Variants in IQGAP1 observed in about 807,000 individuals in gnomAD.
The protein encoded by IQGAP1 is IQ motif containing GTPase activating protein 1, also known as ras GTPase-activating-like protein IQGAP1.
IQGAP1 carries 66 observed loss-of-function variants against 215.6 expected under a neutral mutation model. The observed-to-expected ratio is 0.31, with a 90% confidence interval of 0.25 to 0.38. The LOEUF is 0.38. Ranked by LOEUF, IQGAP1 falls within the 10% of genes least tolerant of loss-of-function variation. IQGAP1 has a pLI of 1.00. For missense variants in IQGAP1, 1,712 were observed against 1,997.1 expected (o/e 0.86, Z 2.72); for synonymous variants, 772 against 728.7 (o/e 1.06, Z -0.96).
chr15:90,444,054 T>C (rs1347838935), intron 9 of IQGAP1, among the ~76,000 whole-genome samples: 1 of 149,260 alleles, frequency 6.7e-6, no homozygotes, highest in Non-Finnish European at 1.5e-5. Context: ...ACAGTGAGAC[T>C]CTGTCTCAAA....
At chr15:90,489,069 G>A (rs1278604688) in intron 33 of IQGAP1, among the ~76,000 whole-genome samples, 1 of 151,718 alleles carries the variant, frequency 6.6e-6, no homozygotes, top group African/African-American at 2.4e-5. Context: ...GCAGATGGTT[G>A]GGTCCTGGCA....
rs73476880 is a variant in IQGAP1 at position 90,421,883 on chromosome 15, A to G, written c.156-4227A>G. On this transcript the variant is annotated intron_variant, in intron 2 of 37. Transcript: ENST00000268182. ...ACCCTGTTGGCCAGGTTTTTCTCCA[A>G]TTCCTGACCTCAAGTGATCCACCCG... is the stretch of plus-strand genomic sequence containing the variant. Among the ~76,000 whole-genome samples the G allele has an allele frequency of 4.8e-3, 733 of 152,256 alleles. 9 individuals are homozygous for G. The highest frequency in any genetic ancestry group is 0.017 in the African/African-American group (719 of 41,534).
chr15:90,457,737 A>G (rs929572764), intron 15 of IQGAP1, among the ~76,000 whole-genome samples: 2 of 151,708 alleles, frequency 1.3e-5, no homozygotes, highest in Admixed American at 6.6e-5. Context: ...GCCACTGCCC[A>G]TGGCCTGTAA....
chr15:90,479,011 T>C (rs988788632), intron 26 of IQGAP1, among the ~76,000 whole-genome samples: 3 of 152,162 alleles, frequency 2.0e-5, no homozygotes, highest in African/African-American at 7.2e-5. Flanking sequence ...TCTGGTTTTA[T>C]TTGTCTTGGG....
At chr15:90,401,140 C>A (rs1964798722) in intron 2 of IQGAP1, among the ~76,000 whole-genome samples, 1 of 152,010 alleles carries the variant, frequency 6.6e-6, no homozygotes, top group South Asian at 2.1e-4. Context: ...GGGCCTGTGG[C>A]CTACCGGATC....
intron 9 of IQGAP1, among the ~76,000 whole-genome samples, chr15:90,447,850 ATGTAT>A (rs1213268895): frequency 6.6e-6 from 1 of 152,046 alleles, no homozygotes; most frequent in African/African-American, 2.4e-5. Context: ...TTTCATTGTC[ATGTAT>A]TGTATTATAG....
chr15:90,486,376 G>T (rs1009242023), intron 31 of IQGAP1: 2 of 316,146 alleles, frequency 6.3e-6, no homozygotes, highest in Non-Finnish European at 1.1e-5. Context: ...GATACATACT[G>T]CCAGCTTGTG....
chr15:90,410,203 T>C (rs1257050934), intron 2 of IQGAP1, among the ~76,000 whole-genome samples: 2 of 152,228 alleles, frequency 1.3e-5, no homozygotes, highest in African/African-American at 2.4e-5. Context: ...TTTGGTGTTT[T>C]AGACATGAAG....
intron 23 of IQGAP1, among the ~76,000 whole-genome samples, chr15:90,475,450 A>T (rs1355758274): frequency 6.6e-6 from 1 of 152,026 alleles, no homozygotes; most frequent in East Asian, 1.9e-4. Flanking sequence ...ATAAGCTTTT[A>T]AAAAAGTTAT....
chr15:90,427,895 C>T (rs1965247574), intron 3 of IQGAP1, among the ~76,000 whole-genome samples: 1 of 152,110 alleles, frequency 6.6e-6, no homozygotes, highest in Non-Finnish European at 1.5e-5. Flanking sequence ...TAACTGGGCC[C>T]AAACTCAGAA....
chr15:90,447,496 A>G (rs1314229422), intron 9 of IQGAP1, among the ~76,000 whole-genome samples: 2 of 152,118 alleles, frequency 1.3e-5, no homozygotes, highest in African/African-American at 4.8e-5. Flanking sequence ...GATAAGTACT[A>G]TTATGCCCCA....
intron 6 of IQGAP1, among the ~76,000 whole-genome samples, chr15:90,440,060 A>C (rs896984053): frequency 2.0e-5 from 3 of 151,514 alleles, no homozygotes; most frequent in African/African-American, 7.2e-5. Context: ...ACCTGGGGAA[A>C]GGACCAGACC....
rs1966346089 is a variant in IQGAP1, at chr15:90,501,879, C to T, written c.*1771C>T. 1 of 152,138 alleles carries T rather than the reference C, an allele frequency of 6.6e-6. No homozygotes were observed. Among genetic ancestry groups the T allele is most frequent in the South Asian group, 2.1e-4 (1 of 4,832 alleles). 9.4% of individuals were successfully genotyped at this position (152,138 alleles called of 1,614,324 possible). ...CAATAATGAGCAGAGTTTACAGCTC[C>T]TTTAATAAAATGTGTCAGTAATTTT... On this transcript the variant is annotated 3_prime_UTR_variant, in exon 38 of 38. Transcript: ENST00000268182.
intron 12 of IQGAP1, 32 bp from the exon 13 acceptor site, chr15:90,453,100 C>T (rs1225174165): frequency 1.3e-6 from 2 of 1,578,754 alleles, no homozygotes; most frequent in Middle Eastern, 3.4e-4. Context: ...TGTCTTTCCT[C>T]ACTGTTTTCC....
At chr15:90,453,882 A>G (rs980491624) in intron 13 of IQGAP1, among the ~76,000 whole-genome samples, 14 of 152,224 alleles carry the variant, frequency 9.2e-5, no homozygotes, top group African/African-American at 3.1e-4. Flanking sequence ...ATCAATAGGC[A>G]TATAAAACCC....
chr15:90,481,269 C>CTTTTTTTTTTTTTTTT (rs57452745), intron 26 of IQGAP1, among the ~76,000 whole-genome samples: 68 of 113,170 alleles, frequency 6.0e-4, no homozygotes, highest in African/African-American at 2.2e-3. Context: ...CTCTCTGCCT[C>CTTTTTTTTTTTTTTTT]TTTTTTTTTT....
intron 15 of IQGAP1, among the ~76,000 whole-genome samples, chr15:90,456,975 G>A (rs1411065651): frequency 1.1e-5 from 1 of 89,352 alleles, no homozygotes; most frequent in Non-Finnish European, 1.9e-5. Context: ...ACATATATAC[G>A]ATCCAGAAAA....
intron 1 of IQGAP1, among the ~76,000 whole-genome samples, chr15:90,389,682 T>C (rs1172507894): frequency 6.6e-6 from 1 of 151,376 alleles, no homozygotes; most frequent in Non-Finnish European, 1.5e-5. Context: ...TGGCCAGGCA[T>C]AGTGACTCCT....
intron 2 of IQGAP1, among the ~76,000 whole-genome samples, chr15:90,395,014 C>T (rs1369436733): frequency 2.0e-5 from 3 of 152,078 alleles, no homozygotes; most frequent in African/African-American, 7.2e-5. Context: ...TTGTGTTTCC[C>T]TGAAAGGTTA....
Sources: gnomAD v4.1 joint callset for allele counts (sites outside exome capture counted in the v4.1 genomes callset) on GRCh38, gnomAD v4.1.1 for gene constraint, MANE v1.5 for transcripts, NCBI Gene and HGNC (gene_info 2026-07-23, HGNC 2026-07-21) for gene names.